The following GPC6 variants were observed in gnomAD, a reference collection of about 807,000 sequenced individuals.
The protein encoded by GPC6 is glypican-6.
GPC6 carries 14 observed loss-of-function variants against 55.2 expected under a neutral mutation model. The observed-to-expected ratio is 0.25, with a 90% CI of 0.17 to 0.40. The LOEUF is 0.40. GPC6 is among the 10% of genes least tolerant of loss of function. The pLI is 1.00. For missense variants in GPC6, 641 were observed against 708.5 expected (o/e 0.90, Z 1.08); for synonymous variants, 278 against 259.6 (o/e 1.07, Z -0.68).
At chr13:93,796,863 G>A (rs1381017122) in intron 2 of GPC6, among the ~76,000 whole-genome samples, 1 of 84,630 alleles carries the variant, frequency 1.2e-5, no homozygotes, top group Non-Finnish European at 2.4e-5. Context: ...TAACTCTGAT[G>A]CACAATCTTA....
rs144358530 is a variant in GPC6, at chr13:94,198,289, A to G, written c.878-88060A>G. Among the ~76,000 whole-genome samples the G allele has an allele frequency of 1.3e-3, 205 of 152,328 alleles. 1 individual carries two copies. Among genetic ancestry groups the G allele is most frequent in the African/African-American group, 4.9e-3 (202 of 41,576 alleles). ...TAATGCAGGTAATGGATTGAAAAGC[A>G]GATAAAAGCTCTAATTCAGCCTCTC... On this transcript the variant is annotated intron_variant, in intron 4 of 8. Coordinates refer to ENST00000377047, the MANE Select transcript of GPC6 (RefSeq NM_005708.5).
intron 1 of GPC6, among the ~76,000 whole-genome samples, chr13:93,275,369 G>A (rs1048447084): frequency 1.3e-5 from 2 of 152,080 alleles, no homozygotes; most frequent in South Asian, 4.2e-4. Flanking sequence ...ATGAGGCATG[G>A]AAATGAGGAG....
intron 1 of GPC6, among the ~76,000 whole-genome samples, chr13:93,483,134 T>C (rs1337016648): frequency 1.3e-5 from 2 of 152,222 alleles, no homozygotes; most frequent in African/African-American, 4.8e-5. Flanking sequence ...AATATTTCTT[T>C]AATGCATAAT....
At chr13:93,698,668 A>G (rs1398886514) in intron 2 of GPC6, among the ~76,000 whole-genome samples, 4 of 151,582 alleles carry the variant, frequency 2.6e-5, no homozygotes, top group Non-Finnish European at 4.4e-5. Context: ...TTCACTTTAA[A>G]AAATATGTCT....
chr13:93,473,030 G>A (rs1272446031), intron 1 of GPC6, among the ~76,000 whole-genome samples: 1 of 152,196 alleles, frequency 6.6e-6, no homozygotes. Flanking sequence ...GGCTGAGCCT[G>A]GGGCTTTTAT....
chr13:93,293,049 G>A (rs1371364637), intron 1 of GPC6, among the ~76,000 whole-genome samples: 1 of 152,062 alleles, frequency 6.6e-6, no homozygotes, highest in Non-Finnish European at 1.5e-5. Context: ...GTGCAGTGGT[G>A]CAATCATGGC....
rs562029142 is a variant in GPC6, at chr13:93,412,432, G to C, written c.161-132831G>C. ...GCACTTTGAGAGGCCGAGGCAGGTG[G>C]ATCACCTGAGGTCAGGGGTTCGAGA... On this transcript the variant is annotated intron_variant, in intron 1 of 8. Transcript: ENST00000377047. Among the ~76,000 whole-genome samples the C allele has an allele frequency of 7.9e-5, 12 of 152,294 alleles. No homozygotes were observed. The South Asian group carries it at 2.5e-3, about 32-fold the overall frequency.
rs190564797 is a variant in GPC6, at chr13:93,664,479, A to G, written c.319+119058A>G. Among the ~76,000 whole-genome samples, 99 of 152,344 alleles carry G rather than the reference A, an allele frequency of 6.5e-4. 2 individuals are homozygous for G. Among genetic ancestry groups the G allele is most frequent in the Middle Eastern group, 6.8e-3 (2 of 294 alleles). Reference sequence around the variant, plus strand: ...AAACTGATTTGGCAAATGTAGATGGATGGCTTTTTAGAAAAACATACCATT... The same window carrying G: ...AAACTGATTTGGCAAATGTAGATGGGTGGCTTTTTAGAAAAACATACCATT... On this transcript the variant is annotated intron_variant, in intron 2 of 8. Coordinates refer to ENST00000377047, the MANE Select transcript of GPC6 (RefSeq NM_005708.5).
intron 1 of GPC6, among the ~76,000 whole-genome samples, chr13:93,477,021 T>C (rs528325343): frequency 6.6e-6 from 1 of 152,306 alleles, no homozygotes; most frequent in Admixed American, 6.5e-5. Context: ...CATTATTTTA[T>C]AATAGCTATA....
In GPC6 at chr13:94,406,127, A is replaced by G. The variant is rs1463331925; in HGVS notation, c.*2910A>G. 6.6e-6 allele frequency: 1 copy of G among 152,134 alleles called. No homozygotes were observed. 9.4% of individuals were successfully genotyped at this position (152,134 alleles called of 1,614,324 possible). ...AGAGGAATGGGCTCACTGAAACCTG[A>G]CACTAGAAATTGGTGGGTGATGCTC... On this transcript the variant is annotated 3_prime_UTR_variant, in exon 9 of 9. Transcript: ENST00000377047.
chr13:93,955,249 AC>A (rs1462004279), intron 3 of GPC6, among the ~76,000 whole-genome samples: 1 of 92,538 alleles, frequency 1.1e-5, no homozygotes, highest in Non-Finnish European at 2.0e-5. Flanking sequence ...ACATGCACAC[AC>A]ACACACACAC....
chr13:93,225,341 C>T (rs1488683291), upstream of GPC6, among the ~76,000 whole-genome samples: 1 of 152,150 alleles, frequency 6.6e-6, no homozygotes, highest in Non-Finnish European at 1.5e-5. Context: ...TATATTTTAT[C>T]TTGATTTCCG....
chr13:93,812,683 GATA>G lies in GPC6; in HGVS notation c.320-17465_320-17463del, dbSNP rs543575604. On this transcript the variant is annotated intron_variant, in intron 2 of 8. Coordinates refer to ENST00000377047, the MANE Select transcript of GPC6 (RefSeq NM_005708.5). Reference sequence around the variant, plus strand: ...TATATGCCAAGATAAATTTTAAATGGATAATAATGACCAAGGGTGTTTGTTATT... The same window carrying G: ...TATATGCCAAGATAAATTTTAAATGGATAATGACCAAGGGTGTTTGTTATT... Among the ~76,000 whole-genome samples, 68 of 152,232 alleles carry G rather than the reference GATA, an allele frequency of 4.5e-4. No homozygotes were observed. In the East Asian group the frequency reaches 0.013, roughly 28 times the overall value.
intron 4 of GPC6, among the ~76,000 whole-genome samples, chr13:94,280,303 A>G (rs1348354416): frequency 6.6e-6 from 1 of 152,152 alleles, no homozygotes; most frequent in East Asian, 1.9e-4. Flanking sequence ...TAATGCTCCT[A>G]AAAGGGCTGG....
intron 2 of GPC6, among the ~76,000 whole-genome samples, chr13:93,698,485 CTTTTTTTTTT>C (rs57058820): frequency 6.2e-5 from 2 of 32,442 alleles, no homozygotes; most frequent in East Asian, 2.9e-3. Flanking sequence ...CTGTGTGGGT[CTTTTTTTTTT>C]TTTTTTTTTT....
At chr13:94,032,110 A>G (rs1437605430) in intron 4 of GPC6, among the ~76,000 whole-genome samples, 2 of 152,174 alleles carry the variant, frequency 1.3e-5, no homozygotes, top group Non-Finnish European at 2.9e-5. Flanking sequence ...TGCTTCTAAC[A>G]TCAAGTATAA....
At chr13:93,516,880 T>C (rs568081132) in intron 1 of GPC6, among the ~76,000 whole-genome samples, 1 of 152,198 alleles carries the variant, frequency 6.6e-6, no homozygotes, top group African/African-American at 2.4e-5. Flanking sequence ...TGCAGCAGTC[T>C]CTTTGAATTA....
At chr13:93,263,027 G>C (rs1028125340) in intron 1 of GPC6, among the ~76,000 whole-genome samples, 1 of 152,156 alleles carries the variant, frequency 6.6e-6, no homozygotes, top group African/African-American at 2.4e-5. Flanking sequence ...TGCAATATTC[G>C]TGAAAATTCC....
intron 1 of GPC6, among the ~76,000 whole-genome samples, chr13:93,320,251 A>C (rs1879389013): frequency 6.6e-6 from 1 of 152,182 alleles, no homozygotes; most frequent in Admixed American, 6.6e-5. Flanking sequence ...TATTTGTTCC[A>C]GAATAACTGA....
Sources: gnomAD v4.1 joint callset for allele counts (sites outside exome capture counted in the v4.1 genomes callset) on GRCh38, gnomAD v4.1.1 for gene constraint, MANE v1.5 for transcripts, NCBI Gene and HGNC (gene_info 2026-07-23, HGNC 2026-07-21) for gene names.